The following VPS4A variants were observed in gnomAD, a reference collection of about 807,000 sequenced individuals.
VPS4A encodes the protein vacuolar protein sorting 4 homolog A.
A neutral mutation model predicts 52.3 loss-of-function variants in VPS4A; 20 were observed. That is an observed-to-expected ratio of 0.38 (90% CI 0.27 to 0.56). The LOEUF is 0.56. VPS4A is among the 20% of genes least tolerant of loss of function. VPS4A has a pLI of 0.72. For synonymous variants in VPS4A, 293 were observed against 227.7 expected (o/e 1.29, Z -2.58); for missense variants, 419 against 575.9 (o/e 0.73, Z 2.79).
chr16:69,315,072 A>G (rs1965419710), intron 1 of VPS4A, among the ~76,000 whole-genome samples: 1 of 152,152 alleles, frequency 6.6e-6, no homozygotes, highest in Non-Finnish European at 1.5e-5. Context: ...TGTCTGCACT[A>G]AAAATACAAA....
At chr16:69,312,715 C>T (rs1436581020) in intron 1 of VPS4A, among the ~76,000 whole-genome samples, 1 of 151,964 alleles carries the variant, frequency 6.6e-6, no homozygotes, top group Non-Finnish European at 1.5e-5. Context: ...CAGGTTCAAG[C>T]GATTCTCCTG....
In VPS4A at chr16:69,321,757, ACAGT is replaced by A. The variant is rs1261276763; in HGVS notation, c.1071+492_1071+495del. 21 of 186,152 alleles carry A rather than the reference ACAGT, an allele frequency of 1.1e-4. No individual in the cohort carries two copies. Among genetic ancestry groups the A allele is most frequent in the Middle Eastern group, 2.4e-3 (1 of 410 alleles). The allele number at this position is 186,152 out of a possible 1,614,324, so 11.5% of individuals were successfully genotyped here. A position where few individuals can be genotyped will look rare whatever the true frequency, so the allele number is the denominator to read the frequency against. ...CGTTGTTGGTGGGGAGACAGTCAAC[ACAGT>A]CAGTGAGTGTCTCAGAGGATGGAGA... On this transcript the variant is annotated intron_variant, in intron 9 of 10. Coordinates refer to ENST00000254950, the MANE Select transcript of VPS4A (RefSeq NM_013245.3). This position sits in a 1 kb window ranked among gnomAD's most constrained non-coding sequence, Gnocchi z 4.5.
Position 69,318,690 on chromosome 16 carries a change from A to G in VPS4A, c.322A>G (p.Lys108Glu). 1 of 1,613,636 alleles carries G rather than the reference A, an allele frequency of 6.2e-7. No individual in the cohort carries two copies. The highest frequency in any genetic ancestry group is 8.5e-7 in the Non-Finnish European group (1 of 1,179,728). ...TGAAGGGGATAATCCGGAGAAAAAG[A>G]AACTGCAAGAACAGCTGATGGGTAA... The part of the protein sequence containing the change: ...DSEGDNPEKK[K>E]LQEQLMGAVV... The change falls in exon 4 of 11, where the codon AAA becomes GAA. Residue 108 changes from lysine to glutamate, a missense_variant. By Grantham distance (56) the Lys-to-Glu change is moderately conservative. Around this residue, in one of 3 missense-constraint regions of VPS4A, gnomAD observed 131 missense variants for 165.4 expected, o/e 0.79. Transcript: ENST00000254950.
In VPS4A at chr16:69,320,646, C is replaced by A. The variant is rs1597213910; in HGVS notation, c.770-42C>A. 1 of 1,537,368 alleles carries A rather than the reference C, an allele frequency of 6.5e-7. No individual in the cohort carries two copies. ...GTCCCCAGGTTTCAACTGACCCGTGCAGGTGTCCAGAGTCTGAGTCTTTGT... is the reference window on the plus strand; with the variant it reads ...GTCCCCAGGTTTCAACTGACCCGTGAAGGTGTCCAGAGTCTGAGTCTTTGT... On this transcript the variant is annotated intron_variant, in intron 7 of 10. Coordinates refer to ENST00000254950, the MANE Select transcript of VPS4A (RefSeq NM_013245.3). The surrounding 1 kb of genome is among the most constrained non-coding windows in gnomAD (Gnocchi z 4.2).
rs1440095651 is a variant in VPS4A, at chr16:69,324,927, G to T, written c.*618G>T. On this transcript the variant is annotated 3_prime_UTR_variant, in exon 11 of 11. Coordinates refer to ENST00000254950, the MANE Select transcript of VPS4A (RefSeq NM_013245.3). ...CGTTTAGATCAGGGTAAGGCAGTCA[G>T]GCGGGTGTTCACCACTGCCTTTTCT... 1 of 153,878 alleles carries T rather than the reference G, an allele frequency of 6.5e-6. No homozygotes were observed. Among genetic ancestry groups the T allele is most frequent in the African/African-American group, 2.4e-5 (1 of 41,454 alleles). 9.5% of individuals were successfully genotyped at this position (153,878 alleles called of 1,614,324 possible).
chr16:69,314,746 G>C (rs1965415234), intron 1 of VPS4A, among the ~76,000 whole-genome samples: 1 of 152,120 alleles, frequency 6.6e-6, no homozygotes, highest in African/African-American at 2.4e-5. Flanking sequence ...GCAGATAAGA[G>C]AGGGCTGAAC....
At position 69,318,915 on chromosome 16, in the gene VPS4A, C is replaced by CCAAT. The variant is rs779459037; in HGVS notation, c.440_443dup (p.Lys148AsnfsTer60). On this transcript the variant is annotated frameshift_variant, in exon 5 of 11. Transcript: ENST00000254950. LOFTEE classifies it high-confidence loss of function. ...GGCCCTCAAAGAAGCTGTCATTTTG[C>CCAAT]CAATCAAATTCCCACACTTGTTCAC... is the stretch of plus-strand genomic sequence containing the variant. 6.2e-7 allele frequency: 1 copy of CCAAT among 1,613,590 alleles called. No homozygotes were observed.
intron 10 of VPS4A, chr16:69,323,640 T>C (rs1320424328): frequency 2.2e-6 from 1 of 455,846 alleles, no homozygotes; most frequent in East Asian, 7.0e-5. Context: ...GTGGCTGGTG[T>C]TGGGGGTGTG....
At position 69,319,321 on chromosome 16, in the gene VPS4A, G is replaced by C; in HGVS notation, c.464-66G>C. ...GTTTTACTGTATGTATGGGACTCGA[G>C]ACCCTCTGCTTTTCCTATTCCTTTC... On this transcript the variant is annotated intron_variant, in intron 5 of 10. Transcript: ENST00000254950. 1.9e-6 allele frequency: 3 copies of C among 1,592,436 alleles called. No homozygotes were observed. In the East Asian group the frequency reaches 6.7e-5, roughly 36 times the overall value.
rs1248736569 is a variant in VPS4A at position 69,321,225 on chromosome 16, C to A, written c.1026C>A (p.Leu342=). The A allele has an allele frequency of 6.4e-7, 1 of 1,565,378 alleles. No homozygotes were observed. Among genetic ancestry groups the A allele is most frequent in the East Asian group, 2.4e-5 (1 of 41,856 alleles). The part of the protein sequence containing the change: ...ADISIIVRDS[L]MQPVRKVQSA... ...TCAGCATCATCGTGCGGGACTCTCT[C>A]ATGCAGCCCGTGAGGAAGGTGCAGT... is the stretch of plus-strand genomic sequence containing the variant. The change falls in exon 9 of 11, where the codon CTC becomes CTA. Residue 342 remains leucine, a synonymous_variant. Coordinates refer to ENST00000254950, the MANE Select transcript of VPS4A (RefSeq NM_013245.3). The surrounding 1 kb of genome is among the most constrained non-coding windows in gnomAD (Gnocchi z 4.5).
intron 3 of VPS4A, 47 bp downstream of exon 3, chr16:69,316,419 C>T (rs771985023): frequency 1.2e-6 from 2 of 1,602,834 alleles, no homozygotes; most frequent in Non-Finnish European, 1.7e-6. Context: ...CTCCTCACGG[C>T]TCCCTATCAT....
Position 69,311,503 on chromosome 16 carries a change from G to A in VPS4A, c.-9G>A. 7.4e-7 allele frequency: 1 copy of A among 1,354,692 alleles called. No individual in the cohort carries two copies. Among genetic ancestry groups the A allele is most frequent in the Non-Finnish European group, 9.6e-7 (1 of 1,040,348 alleles). The allele number at this position is 1,354,692 out of a possible 1,614,324, so 83.9% of individuals were successfully genotyped here. A position where few individuals can be genotyped will look rare whatever the true frequency, so the allele number is the denominator to read the frequency against. On this transcript the variant is annotated 5_prime_UTR_variant, in exon 1 of 11. Transcript: ENST00000254950. ...CGCCGCGGGGTGTGGGGCGGACCCA[G>A]GAGATGAAATGACAACGTCAACCCT...
At chr16:69,318,798 G>GCCCGGA (rs778009549) in intron 4 of VPS4A, 25 bp from the exon 5 acceptor site, 1 of 1,611,970 alleles carries the variant, frequency 6.2e-7, no homozygotes, top group Non-Finnish European at 8.5e-7. Context: ...CCGGGCCCGG[G>GCCCGGA]CCCGGGCCGG....
At chr16:69,319,242 T>C (rs373521096) in intron 5 of VPS4A, 145 bp from the exon 6 acceptor site, 3 of 1,220,932 alleles carry the variant, frequency 2.5e-6, no homozygotes, top group Admixed American at 4.7e-5. Flanking sequence ...CAGCAGGGAA[T>C]GTAGCTCCCA....
At chr16:69,319,018 G>A in intron 5 of VPS4A, 76 bp downstream of exon 5, 1 of 1,564,812 alleles carries the variant, frequency 6.4e-7, no homozygotes, top group Non-Finnish European at 8.6e-7. Flanking sequence ...AGGCACCCGG[G>A]AGTCAGTGGC....
chr16:69,322,866 G>A (rs1187658929), intron 10 of VPS4A, 166 bp downstream of exon 10: 7 of 740,260 alleles, frequency 9.5e-6, no homozygotes, highest in African/African-American at 5.3e-5. Flanking sequence ...TTAGGAGTTC[G>A]AGACCAGCCT....
At chr16:69,316,504 T>C in intron 3 of VPS4A, 132 bp downstream of exon 3, 1 of 1,250,352 alleles carries the variant, frequency 8.0e-7, no homozygotes, top group Non-Finnish European at 1.1e-6. Context: ...TGCCAGCAGC[T>C]GCTTTCAGGG....
Position 69,321,426 on chromosome 16 carries a change from A to AC in VPS4A, c.1071+159dup. The AC allele has an allele frequency of 2.6e-6, 2 of 765,144 alleles. No homozygotes were observed. The highest frequency in any genetic ancestry group is 2.6e-5 in the Admixed American group (1 of 38,340). The allele number at this position is 765,144 out of a possible 1,614,324, so 47.4% of individuals were successfully genotyped here. A position where few individuals can be genotyped will look rare whatever the true frequency, so the allele number is the denominator to read the frequency against. ...CGAGGGCCAGTGCCATGGGGGCTGC[A>AC]CCCACTGTCCCCTCCCTGCAGCTCT... On this transcript the variant is annotated intron_variant, in intron 9 of 10. Coordinates refer to ENST00000254950, the MANE Select transcript of VPS4A (RefSeq NM_013245.3). This position sits in a 1 kb window ranked among gnomAD's most constrained non-coding sequence, Gnocchi z 4.5.
In VPS4A at chr16:69,321,093, C is replaced by T. The variant is rs761288586; in HGVS notation, c.894C>T (p.Ala298=). Reference sequence around the variant, plus strand: ...ATATCCCCTTGCCGGAGGAAGCTGCCCGCGCCCAGATGTTCCGGTTGCATC... The same window carrying T: ...ATATCCCCTTGCCGGAGGAAGCTGCTCGCGCCCAGATGTTCCGGTTGCATC... ...RIYIPLPEEA[A]RAQMFRLHLG... The change falls in exon 9 of 11, where the codon GCC becomes GCT. Residue 298 remains alanine, a synonymous_variant. Coordinates refer to ENST00000254950, the MANE Select transcript of VPS4A (RefSeq NM_013245.3). The surrounding 1 kb of genome is among the most constrained non-coding windows in gnomAD (Gnocchi z 4.5). 7.5e-6 allele frequency: 12 copies of T among 1,596,572 alleles called. No homozygotes were observed. Among genetic ancestry groups the T allele is most frequent in the Non-Finnish European group, 6.0e-6 (7 of 1,171,700 alleles).
Sources: allele counts gnomAD v4.1 joint callset (sites outside exome capture counted in the v4.1 genomes callset), GRCh38; gene constraint gnomAD v4.1.1; regional missense constraint gnomAD v4.1.1; non-coding constraint Gnocchi (gnomAD v3.1); transcripts MANE v1.5; gene names NCBI Gene and HGNC (gene_info 2026-07-23, HGNC 2026-07-21).